DSE: variants seen among roughly 807,000 people sequenced by gnomAD.
DSE encodes dermatan sulfate epimerase, also known as dermatan-sulfate epimerase.
In DSE, 36 loss-of-function variants were observed where a neutral mutation model predicts 84.4. The ratio of observed to expected loss-of-function variants is 0.43; its 90% CI spans 0.33 to 0.56. DSE has a LOEUF of 0.56. DSE is among the 20% of genes least tolerant of loss of function. The pLI is 0.06. For missense variants in DSE, 862 were observed against 1,169.6 expected (o/e 0.74, Z 3.84); for synonymous variants, 410 against 430.1 (o/e 0.95, Z 0.58).
chr6:116,350,912 G>GAA (rs57384750), intron 2 of DSE, among the ~76,000 whole-genome samples: 1 of 141,560 alleles, frequency 7.1e-6, no homozygotes. Flanking sequence ...CTTCCTTTTG[G>GAA]AAAAAAAAAA....
At chr6:116,376,926 T>C (rs1779962194) in intron 1 of DSE, among the ~76,000 whole-genome samples, 1 of 152,230 alleles carries the variant, frequency 6.6e-6, no homozygotes, top group Non-Finnish European at 1.5e-5. Flanking sequence ...AGAAAGAGTT[T>C]GCAACTGAAT....
Position 116,433,551 on chromosome 6 carries a change from G to A in DSE, c.1118+1G>A. 2.5e-6 allele frequency: 4 copies of A among 1,587,306 alleles called. No homozygotes were observed. The highest frequency in any genetic ancestry group is 3.4e-6 in the Non-Finnish European group (4 of 1,165,286). On this transcript the variant is annotated splice_donor_variant, in intron 5 of 5. Coordinates refer to ENST00000644252, the MANE Select transcript of DSE (RefSeq NM_013352.4). LOFTEE classifies it high-confidence loss of function. Reference sequence around the variant, plus strand: ...GCACTCTGCACACAGAATTTCTCTGGTATGACACATTGGGCTAGCTTTAAA... The same window carrying A: ...GCACTCTGCACACAGAATTTCTCTGATATGACACATTGGGCTAGCTTTAAA...
In DSE at chr6:116,437,124, G is replaced by A. The variant is rs1403670567; in HGVS notation, c.2656G>A (p.Val886Met). The A allele has an allele frequency of 1.2e-6, 2 of 1,614,122 alleles. No individual in the cohort carries two copies. Among genetic ancestry groups the A allele is most frequent in the South Asian group, 1.1e-5 (1 of 91,086 alleles). Residue 886 changes from valine to methionine, a missense_variant, in exon 6 of 6, where the codon GTG (valine) becomes ATG (methionine). Around this residue, in one of 4 missense-constraint regions of DSE, gnomAD observed 315 missense variants for 348.1 expected, o/e 0.90. Coordinates refer to ENST00000644252, the MANE Select transcript of DSE (RefSeq NM_013352.4). ...IKGRFGQARMVTTTHSRAPSL... is the reference protein window; with the variant it reads ...IKGRFGQARMMTTTHSRAPSL... Reference sequence around the variant, plus strand: ...AGGCCGGTTTGGACAGGCACGGATGGTGACAACTACACACAGCAGGGCCCC... The same window carrying A: ...AGGCCGGTTTGGACAGGCACGGATGATGACAACTACACACAGCAGGGCCCC...
chr6:116,280,055 A>T (rs1010243572), intron 2 of DSE: 4 of 648,810 alleles, frequency 6.2e-6, no homozygotes, highest in East Asian at 5.6e-5. Flanking sequence ...ATTTCTGTGA[A>T]TTTACCCATA....
At chr6:116,418,749 T>G (rs1268826798) in intron 2 of DSE, among the ~76,000 whole-genome samples, 1 of 152,168 alleles carries the variant, frequency 6.6e-6, no homozygotes, top group East Asian at 1.9e-4. Context: ...GCGCCGTTCT[T>G]CCCCTCACTA....
upstream of DSE, chr6:116,370,497 G>A (rs938851691): frequency 1.3e-4 from 125 of 986,410 alleles, 1 homozygote; most frequent in African/African-American, 2.0e-3. Flanking sequence ...ACCAGTCCCG[G>A]TAGTAAGAGT....
At chr6:116,433,722 C>G (rs936470564) in intron 5 of DSE, among the ~76,000 whole-genome samples, 172 bp downstream of exon 5, 3 of 152,104 alleles carry the variant, frequency 2.0e-5, no homozygotes, top group Non-Finnish European at 4.4e-5. Flanking sequence ...GTTTTTGAAA[C>G]TCTTAGAAAC....
chr6:116,279,294 G>A, intron 2 of DSE: 1 of 1,523,028 alleles, frequency 6.6e-7, no homozygotes, highest in Non-Finnish European at 8.7e-7. Context: ...TCTCCGCCAG[G>A]CCTTCCTTCA....
At chr6:116,261,445 A>C (rs1772410986) in intron 2 of DSE, among the ~76,000 whole-genome samples, 1 of 152,090 alleles carries the variant, frequency 6.6e-6, no homozygotes, top group Non-Finnish European at 1.5e-5. Flanking sequence ...TAGGAATGCT[A>C]GTGATATTTG....
chr6:116,414,621 A>T (rs1782582430), intron 2 of DSE, among the ~76,000 whole-genome samples: 1 of 152,188 alleles, frequency 6.6e-6, no homozygotes, highest in Admixed American at 6.5e-5. Context: ...CATGTTGGTC[A>T]GGCTGGTCTC....
upstream of DSE, among the ~76,000 whole-genome samples, chr6:116,368,585 T>G (rs554468078): frequency 1.1e-4 from 16 of 152,224 alleles, no homozygotes; most frequent in Non-Finnish European, 1.9e-4. Context: ...AAGGTTTTAT[T>G]TGGTAGATTG....
chr6:116,418,112 G>A (rs986096901), intron 2 of DSE, among the ~76,000 whole-genome samples: 7 of 152,058 alleles, frequency 4.6e-5, no homozygotes, highest in Non-Finnish European at 1.0e-4. Flanking sequence ...ATTATCGAGG[G>A]TAGAATTCTA....
At chr6:116,301,743 G>A (rs144919648) in intron 2 of DSE, among the ~76,000 whole-genome samples, 3 of 152,092 alleles carry the variant, frequency 2.0e-5, no homozygotes, top group East Asian at 3.9e-4. Flanking sequence ...CCATCAACCC[G>A]TCATCTGCTT....
intron 2 of DSE, among the ~76,000 whole-genome samples, chr6:116,330,100 C>T (rs1242269396): frequency 6.6e-6 from 1 of 152,228 alleles, no homozygotes; most frequent in African/African-American, 2.4e-5. Flanking sequence ...GCTGGGATTA[C>T]AGGCGTGAGC....
At chr6:116,369,960 A>G, upstream of DSE, 5 of 1,288,914 alleles carry the variant, frequency 3.9e-6, no homozygotes, top group South Asian at 3.7e-5. Flanking sequence ...ACTTCTGTAC[A>G]ATCTAGGTCT....
intron 2 of DSE, 30 bp from the exon 3 acceptor site, chr6:116,426,544 C>T: frequency 1.9e-6 from 3 of 1,603,812 alleles, no homozygotes; most frequent in East Asian, 2.2e-5. Flanking sequence ...GTCTGATGAA[C>T]TCATTTCCAT....
intron 2 of DSE, among the ~76,000 whole-genome samples, chr6:116,358,216 G>C (rs1381525431): frequency 6.6e-6 from 1 of 152,036 alleles, no homozygotes; most frequent in Non-Finnish European, 1.5e-5. Flanking sequence ...TTGTTTGTTT[G>C]TTTTTTCTGC....
At chr6:116,316,409 A>G (rs1479967368) in intron 2 of DSE, among the ~76,000 whole-genome samples, 3 of 152,100 alleles carry the variant, frequency 2.0e-5, no homozygotes, top group South Asian at 2.1e-4. Context: ...ATAATAATCT[A>G]TATGATTTAA....
chr6:116,254,558 A>G (rs1772064231), intron 1 of DSE, among the ~76,000 whole-genome samples: 1 of 152,216 alleles, frequency 6.6e-6, no homozygotes, highest in Non-Finnish European at 1.5e-5. Flanking sequence ...TATTTTTAAA[A>G]TTAAGGAGCA....
Sources: allele counts gnomAD v4.1 joint callset (sites outside exome capture counted in the v4.1 genomes callset), GRCh38; gene constraint gnomAD v4.1.1; regional missense constraint gnomAD v4.1.1; transcripts MANE v1.5; gene names NCBI Gene and HGNC (gene_info 2026-07-23, HGNC 2026-07-21).